The following TMEM163 variants were observed in gnomAD, a reference collection of about 807,000 sequenced individuals.
The protein encoded by TMEM163 is transmembrane protein 163.
TMEM163 carries 17 observed loss-of-function variants against 29.3 expected under a neutral mutation model. The observed-to-expected ratio is 0.58, with a 90% CI of 0.40 to 0.87. TMEM163 has a LOEUF of 0.87. Among genes scored for constraint, TMEM163 ranks in the 40% least tolerant of loss-of-function variants. The pLI, the probability that TMEM163 is intolerant of heterozygous loss-of-function variation, is 0.00. For missense variants in TMEM163, 303 were observed against 381.5 expected, an observed-to-expected ratio of 0.79 and a Z score of 1.71; for synonymous variants, 157 against 160.6, an observed-to-expected ratio of 0.98 and a Z score of 0.17.
chr2:134,562,468 G>T (rs1681203737), intron 2 of TMEM163, among the ~76,000 whole-genome samples: 2 of 152,240 alleles, frequency 1.3e-5, no homozygotes, highest in South Asian at 2.1e-4. Context: ...GCTAGCAAAG[G>T]CATGGATATT....
chr2:134,479,393 A>G (rs1253339041), intron 5 of TMEM163, among the ~76,000 whole-genome samples: 3 of 152,196 alleles, frequency 2.0e-5, no homozygotes, highest in Non-Finnish European at 4.4e-5. Context: ...ATTGCCCCAA[A>G]GTGTGAAAAA....
At chr2:134,628,787 T>C (rs1682906385) in intron 2 of TMEM163, among the ~76,000 whole-genome samples, 2 of 152,244 alleles carry the variant, frequency 1.3e-5, no homozygotes, top group African/African-American at 2.4e-5. Flanking sequence ...ATTATTTCAT[T>C]GTAATAAATC....
intron 2 of TMEM163, among the ~76,000 whole-genome samples, chr2:134,594,851 GTCTCTCTCTC>G (rs70973456): frequency 1.2e-4 from 18 of 147,922 alleles, no homozygotes; most frequent in East Asian, 2.0e-4. Context: ...GAGACCTTGA[GTCTCTCTCTC>G]TCTCTCTCTC....
At chr2:134,537,047 A>G (rs1680557722) in intron 4 of TMEM163, among the ~76,000 whole-genome samples, 1 of 152,228 alleles carries the variant, frequency 6.6e-6, no homozygotes, top group African/African-American at 2.4e-5. Flanking sequence ...TATGTTGCCC[A>G]CAGGGAAAGA....
chr2:134,669,126 A>G (rs1000021587), intron 2 of TMEM163, among the ~76,000 whole-genome samples: 3 of 152,230 alleles, frequency 2.0e-5, no homozygotes, highest in Non-Finnish European at 2.9e-5. Context: ...TGGGGACTCA[A>G]TGAAAAGTCC....
intron 5 of TMEM163, among the ~76,000 whole-genome samples, chr2:134,473,556 G>T (rs926274633): frequency 2.0e-5 from 3 of 147,482 alleles, no homozygotes; most frequent in African/African-American, 7.7e-5. Context: ...AAAAGAAAAA[G>T]AAACCAATGA....
intron 5 of TMEM163, among the ~76,000 whole-genome samples, chr2:134,472,941 T>C (rs763683196): frequency 2.0e-5 from 3 of 152,222 alleles, no homozygotes; most frequent in South Asian, 2.1e-4. Flanking sequence ...AATATTCTAG[T>C]ATTTGGAAAC....
At chr2:134,543,877 C>A (rs1680726650) in intron 4 of TMEM163, among the ~76,000 whole-genome samples, 1 of 152,198 alleles carries the variant, frequency 6.6e-6, no homozygotes, top group Non-Finnish European at 1.5e-5. Flanking sequence ...CCTCCAATTC[C>A]CATCCCAATG....
rs3039626 is a variant in TMEM163, at chr2:134,697,463, A to AT, written c.322+15736dup. Among the ~76,000 whole-genome samples the AT allele has an allele frequency of 9.5e-3, 1,271 of 133,744 alleles. 19 individuals carry two copies. The highest frequency in any genetic ancestry group is 0.057 in the East Asian group (267 of 4,660). 87.7% of individuals were successfully genotyped at this position (133,744 alleles called of 152,430 possible). A position where few individuals can be genotyped will look rare whatever the true frequency, so the allele number is the denominator to read the frequency against. On this transcript the variant is annotated intron_variant, in intron 2 of 7. Coordinates refer to ENST00000281924, the MANE Select transcript of TMEM163 (RefSeq NM_030923.5). ...GAGAGATACTATAGGTTTCTTCTCA[A>AT]TTTTTTTTTTTTTTTTTTGAGATGG...
chr2:134,621,911 TA>T lies in TMEM163; in HGVS notation c.323-69821del, dbSNP rs199674657. Among the ~76,000 whole-genome samples the T allele has an allele frequency of 7.3e-5, 11 of 149,706 alleles. No homozygotes were observed. The East Asian group carries it at 9.8e-4, about 13-fold the overall frequency. On this transcript the variant is annotated intron_variant, in intron 2 of 7. Transcript: ENST00000281924. The stretch of plus-strand genomic sequence containing the variant: ...ATCTCAAAAAAATTAAAATAAAAAA[TA>T]AAAAAAAACTAAACCCAATGTGGTA...
chr2:134,675,489 A>T (rs1684096111), intron 2 of TMEM163, among the ~76,000 whole-genome samples: 1 of 152,208 alleles, frequency 6.6e-6, no homozygotes, highest in African/African-American at 2.4e-5. Flanking sequence ...AAAGTAACAC[A>T]CGGGAACAGC....
intron 2 of TMEM163, among the ~76,000 whole-genome samples, chr2:134,627,966 A>C (rs1000343644): frequency 6.6e-6 from 1 of 152,244 alleles, no homozygotes; most frequent in Non-Finnish European, 1.5e-5. Flanking sequence ...AATTACAATG[A>C]ATTGCAAACT....
At position 134,713,273 on chromosome 2, in the gene TMEM163, G is replaced by T. The variant is rs943394183; in HGVS notation, c.249C>A (p.Asn83Lys). 4 of 1,614,048 alleles carry T rather than the reference G, an allele frequency of 2.5e-6. No homozygotes were observed. The African/African-American group carries it at 5.3e-5, about 22-fold the overall frequency. Residue 83 changes from asparagine (N) to lysine (K), a missense_variant, in exon 2 of 8, where the codon AAC becomes AAA. Around this residue, in one of 2 missense-constraint regions of TMEM163, gnomAD observed 203 missense variants for 294.3 expected, o/e 0.69. Transcript: ENST00000281924. ...STRLKPHEAQ[N>K]YRKKALWVSW... is the part of the protein sequence containing the mutation. ...ACACCCACAATGCCTTCTTCCTGTA[G>T]TTCTGGGCTTCGTGAGGTTTCAGGC...
At chr2:134,512,017 T>C (rs577794473) in intron 4 of TMEM163, among the ~76,000 whole-genome samples, 72 of 152,312 alleles carry the variant, frequency 4.7e-4, no homozygotes, top group African/African-American at 1.6e-3. Context: ...GTTTTTGTAG[T>C]TGTGTGTGTG....
chr2:134,625,102 G>A (rs1228448423), intron 2 of TMEM163, among the ~76,000 whole-genome samples: 1 of 152,042 alleles, frequency 6.6e-6, no homozygotes, highest in African/African-American at 2.4e-5. Context: ...TGCTGTATAT[G>A]TGGGTACATG....
In TMEM163 at chr2:134,477,304, T is replaced by A. The variant is rs188416904; in HGVS notation, c.556-11079A>T. Among the ~76,000 whole-genome samples, 18 of 152,344 alleles carry A rather than the reference T, an allele frequency of 1.2e-4. No individual in the cohort carries two copies. The East Asian group carries it at 3.1e-3, about 26-fold the overall frequency. ...GGAACTTACAACCTAGTTAGAGAGATAGACACATAAGCCACTAACTGTACC... is the reference window on the plus strand; with the variant it reads ...GGAACTTACAACCTAGTTAGAGAGAAAGACACATAAGCCACTAACTGTACC... On this transcript the variant is annotated intron_variant, in intron 5 of 7. Coordinates refer to ENST00000281924, the MANE Select transcript of TMEM163 (RefSeq NM_030923.5).
chr2:134,571,640 T>G (rs1681434902), intron 2 of TMEM163, among the ~76,000 whole-genome samples: 1 of 152,140 alleles, frequency 6.6e-6, no homozygotes, highest in South Asian at 2.1e-4. Flanking sequence ...AGCAAAAGGA[T>G]ATAAAGCTAA....
chr2:134,622,990 A>G (rs1027278924), intron 2 of TMEM163, among the ~76,000 whole-genome samples: 1 of 152,128 alleles, frequency 6.6e-6, no homozygotes, highest in African/African-American at 2.4e-5. Context: ...CCATAGGAAG[A>G]TAGCAGGAAA....
intron 4 of TMEM163, among the ~76,000 whole-genome samples, chr2:134,545,237 AC>A (rs1386218684): frequency 4.0e-5 from 6 of 151,186 alleles, no homozygotes; most frequent in Middle Eastern, 6.8e-3. Context: ...CCCCACCCGC[AC>A]CCCCAGGCTC....
Sources: allele counts gnomAD v4.1 joint callset (sites outside exome capture counted in the v4.1 genomes callset), GRCh38; gene constraint gnomAD v4.1.1; regional missense constraint gnomAD v4.1.1; transcripts MANE v1.5; gene names NCBI Gene and HGNC (gene_info 2026-07-23, HGNC 2026-07-21).